Variants in PDE10A observed in about 807,000 individuals in gnomAD.
PDE10A encodes cAMP and cAMP-inhibited cGMP 3',5'-cyclic phosphodiesterase 10A.
In PDE10A, 39 loss-of-function variants were observed where a neutral mutation model predicts 97.7. The observed-to-expected ratio is 0.40, with a 90% CI of 0.31 to 0.52. The LOEUF is 0.52. Among genes scored for constraint, PDE10A ranks in the 20% least tolerant of loss-of-function variants. PDE10A has a pLI of 0.56. For synonymous variants in PDE10A, 371 were observed against 376.8 expected (o/e 0.98, Z 0.18); for missense variants, 731 against 1,047.8 (o/e 0.70, Z 4.17).
chr6:165,929,715 A>G (rs1783062753), intron 1 of PDE10A, among the ~76,000 whole-genome samples: 1 of 152,208 alleles, frequency 6.6e-6, no homozygotes, highest in Non-Finnish European at 1.5e-5. Context: ...CATCCCCATG[A>G]CCGCGTCCCC....
intron 1 of PDE10A, among the ~76,000 whole-genome samples, chr6:165,722,633 T>G (rs1269489021): frequency 6.6e-6 from 1 of 152,212 alleles, no homozygotes; most frequent in Non-Finnish European, 1.5e-5. Flanking sequence ...CTTAATATTT[T>G]CAGATCATAG....
At chr6:165,789,015 C>T (rs2128463149) in intron 1 of PDE10A, among the ~76,000 whole-genome samples, 1 of 152,122 alleles carries the variant, frequency 6.6e-6, no homozygotes, top group African/African-American at 2.4e-5. Context: ...CAAGGCTGCT[C>T]TTCTGGCTGA....
At chr6:165,806,519 C>T (rs530451311) in intron 1 of PDE10A, among the ~76,000 whole-genome samples, 1 of 152,326 alleles carries the variant, frequency 6.6e-6, no homozygotes, top group South Asian at 2.1e-4. Flanking sequence ...TTCTGAGCCT[C>T]TGGCTCCTTT....
intron 1 of PDE10A, among the ~76,000 whole-genome samples, chr6:165,918,158 A>C (rs1301978533): frequency 1.3e-5 from 2 of 152,214 alleles, no homozygotes; most frequent in Admixed American, 1.3e-4. Flanking sequence ...CTAGTAGGTT[A>C]CAGCAAACAT....
At chr6:165,380,726 G>A (rs563006531) in intron 17 of PDE10A, among the ~76,000 whole-genome samples, 10 of 152,314 alleles carry the variant, frequency 6.6e-5, no homozygotes, top group Non-Finnish European at 1.5e-4. Flanking sequence ...TGGGGACAAC[G>A]GGAGGGGACT....
rs1230501221 is a variant in PDE10A at position 165,819,847 on chromosome 6, AATC to A, written c.-615+167679_-615+167681del. On this transcript the variant is annotated intron_variant, in intron 1 of 19. Coordinates refer to the PDE10A transcript ENST00000366882. This position sits in a 1 kb window ranked among gnomAD's most constrained non-coding sequence, Gnocchi z 4.2. ...AATACATGAATGAATGATGGACTGA[AATC>A]ATCATATTACTACATTGTTGAATGT... 6.6e-6 allele frequency among the ~76,000 whole-genome samples: 1 copy of A among 152,232 alleles called. No individual in the cohort carries two copies. The highest frequency in any genetic ancestry group is 2.4e-5 in the African/African-American group (1 of 41,452).
intron 1 of PDE10A, among the ~76,000 whole-genome samples, chr6:165,651,366 T>C (rs1163273638): frequency 6.6e-6 from 1 of 152,234 alleles, no homozygotes; most frequent in Admixed American, 6.5e-5. Context: ...GTCCAAGAGC[T>C]CTTTGCTTAA....
chr6:165,348,623 T>C (rs969157937), intron 18 of PDE10A, among the ~76,000 whole-genome samples: 5 of 152,192 alleles, frequency 3.3e-5, no homozygotes, highest in African/African-American at 1.2e-4. Flanking sequence ...GTTTCCTCTC[T>C]CTCTCTTTTC....
intron 1 of PDE10A, among the ~76,000 whole-genome samples, chr6:165,772,948 A>G (rs1282785489): frequency 6.6e-6 from 1 of 152,230 alleles, no homozygotes; most frequent in Non-Finnish European, 1.5e-5. Context: ...AATATAATGC[A>G]TAGATAATTG....
chr6:165,445,186 T>A (rs983035928), intron 5 of PDE10A, among the ~76,000 whole-genome samples: 1 of 152,246 alleles, frequency 6.6e-6, no homozygotes, highest in African/African-American at 2.4e-5. Context: ...TTTAGAAGTG[T>A]ATCTTCTATT....
intron 1 of PDE10A, among the ~76,000 whole-genome samples, chr6:165,705,106 G>A (rs1791675287): frequency 1.3e-5 from 2 of 152,342 alleles, no homozygotes; most frequent in South Asian, 4.1e-4. Flanking sequence ...CACACCCAGG[G>A]GACACCTGGG....
At chr6:165,406,562 T>C (rs956244666) in intron 13 of PDE10A, among the ~76,000 whole-genome samples, 3 of 152,138 alleles carry the variant, frequency 2.0e-5, no homozygotes, top group East Asian at 1.9e-4. Context: ...TGGGTTTTTT[T>C]CCTAAACTTT....
intron 1 of PDE10A, among the ~76,000 whole-genome samples, chr6:165,561,096 G>A (rs1583543007): frequency 6.6e-6 from 1 of 151,946 alleles, no homozygotes; most frequent in East Asian, 1.9e-4. Flanking sequence ...GCGGGCACCT[G>A]TAGTCCCAGC....
intron 1 of PDE10A, among the ~76,000 whole-genome samples, chr6:165,704,261 T>A (rs1582960222): frequency 6.6e-6 from 1 of 152,106 alleles, no homozygotes; most frequent in Non-Finnish European, 1.5e-5. Context: ...GATCTGCTGG[T>A]GCTCCTTCAA....
At chr6:165,400,440 T>C (rs1786558367) in intron 13 of PDE10A, among the ~76,000 whole-genome samples, 1 of 152,068 alleles carries the variant, frequency 6.6e-6, no homozygotes, top group African/African-American at 2.4e-5. Context: ...AAATAATCTA[T>C]CTGATAAATG....
chr6:165,409,060 G>T (rs1787481591), intron 13 of PDE10A, among the ~76,000 whole-genome samples: 1 of 150,664 alleles, frequency 6.6e-6, no homozygotes, highest in Non-Finnish European at 1.5e-5. Context: ...AGCTACTCGG[G>T]AGGCTGAGGC....
At chr6:165,453,795 C>A (rs4709940) in intron 3 of PDE10A, among the ~76,000 whole-genome samples, 49,379 of 152,102 alleles carry the variant, frequency 0.32, 8,672 homozygotes, top group African/African-American at 0.46. Flanking sequence ...AGCAGTGGAG[C>A]CCGCACAGAC....
intron 1 of PDE10A, among the ~76,000 whole-genome samples, chr6:165,592,686 CAT>C (rs1279102073): frequency 2.0e-5 from 3 of 151,932 alleles, no homozygotes; most frequent in Non-Finnish European, 4.4e-5. Context: ...GGCCAACAAA[CAT>C]ATGAAAAAAA....
chr6:165,387,805 G>A (rs112709047), intron 17 of PDE10A, among the ~76,000 whole-genome samples: 2 of 152,256 alleles, frequency 1.3e-5, no homozygotes, highest in African/African-American at 4.8e-5. Flanking sequence ...AAGAAGGAGC[G>A]TATATATCCC....
Sources: allele counts gnomAD v4.1 joint callset (sites outside exome capture counted in the v4.1 genomes callset), GRCh38; gene constraint gnomAD v4.1.1; non-coding constraint Gnocchi (gnomAD v3.1); transcripts MANE v1.5; gene names NCBI Gene and HGNC (gene_info 2026-07-23, HGNC 2026-07-21).